Variants in RFC2 observed in about 807,000 individuals in gnomAD.
RFC2 encodes the protein A1 40 kDa subunit.
Under a neutral mutation model 44.8 loss-of-function variants are expected in RFC2, and 34 were observed. The observed-to-expected ratio is 0.76, with a 90% CI of 0.58 to 1.01. The LOEUF (loss-of-function observed/expected upper bound fraction) is 1.01, where lower values mean the gene tolerates loss of function less well. Among genes scored for constraint, RFC2 ranks in the 50% least tolerant of loss-of-function variants. The probability of loss-of-function intolerance (pLI) is 0.00; values close to 1 mark genes in which losing one functional copy is unlikely to be tolerated. For missense variants in RFC2, 400 were observed against 453.6 expected (o/e 0.88, Z 1.07); for synonymous variants, 177 against 168.9 (o/e 1.05, Z -0.37).
In RFC2 at chr7:74,238,420, T is replaced by C. The variant is rs1803142577; in HGVS notation, c.759+503A>G. Among the ~76,000 whole-genome samples the C allele has an allele frequency of 6.6e-6, 1 of 152,016 alleles. No individual in the cohort carries two copies. The highest frequency in any genetic ancestry group is 1.5e-5 in the Non-Finnish European group (1 of 67,980). On this transcript the variant is annotated intron_variant, in intron 8 of 10. Transcript: ENST00000055077. This position sits in a 1 kb window ranked among gnomAD's most constrained non-coding sequence, Gnocchi z 4.0. ...GACATGGGAGAGTAAGTGAGAAACC[T>C]TTTCCTCAGCCTGGCTTTGAGGGTT...
At chr7:74,243,888 C>G (rs1303216532) in intron 5 of RFC2, among the ~76,000 whole-genome samples, 1 of 151,016 alleles carries the variant, frequency 6.6e-6, no homozygotes, top group East Asian at 2.0e-4. Context: ...AACCAGGATA[C>G]AAAAATTATA....
chr7:74,243,762 C>A (rs1803457606), intron 5 of RFC2, among the ~76,000 whole-genome samples: 1 of 150,106 alleles, frequency 6.7e-6, no homozygotes, highest in Non-Finnish European at 1.5e-5. Flanking sequence ...GAGTTCGAGA[C>A]CAGCCTGGGC....
At chr7:74,253,846 G>A (rs1427177080) in intron 1 of RFC2, 3 of 169,676 alleles carry the variant, frequency 1.8e-5, no homozygotes, top group Non-Finnish European at 3.9e-5. Context: ...CAAAACCCCC[G>A]TCTTGATTTT....
chr7:74,245,605 C>G (rs782693634), intron 5 of RFC2, among the ~76,000 whole-genome samples: 1 of 149,726 alleles, frequency 6.7e-6, no homozygotes, highest in South Asian at 2.1e-4. Flanking sequence ...CCCAGCTACT[C>G]GAGAGGCTGA....
intron 1 of RFC2, 149 bp downstream of exon 1, chr7:74,254,122 T>C: frequency 3.0e-6 from 2 of 673,526 alleles, no homozygotes; most frequent in Non-Finnish European, 5.4e-6. Flanking sequence ...GTCGCCTTCT[T>C]GAAATCATCT....
rs552015440 is a variant in RFC2, at chr7:74,249,800, T to G, written c.184-20A>C. 7.6e-5 allele frequency: 122 copies of G among 1,603,654 alleles called. 1 individual carries two copies. In the South Asian group the frequency reaches 1.3e-3, roughly 17 times the overall value. On this transcript the variant is annotated intron_variant, in intron 2 of 10. Transcript: ENST00000055077. Reference sequence around the variant, plus strand: ...AAAGACCTACGGCGAAAATGATCATTAAAACCGGTTAAAACTTGCTTCTGG... The same window carrying G: ...AAAGACCTACGGCGAAAATGATCATGAAAACCGGTTAAAACTTGCTTCTGG...
At position 74,231,711 on chromosome 7, in the gene RFC2, A is replaced by T. The variant is rs1134235; in HGVS notation, c.*395T>A. On this transcript the variant is annotated 3_prime_UTR_variant, in exon 11 of 11. Coordinates refer to ENST00000055077, the MANE Select transcript of RFC2 (RefSeq NM_181471.3). ...ATTTAATTTTTTTCCCCAGATGGAGACTCTGTCGCCCAGGCTGGAGTGCAA... is the reference window on the plus strand; with the variant it reads ...ATTTAATTTTTTTCCCCAGATGGAGTCTCTGTCGCCCAGGCTGGAGTGCAA... 10,802 of 154,936 alleles carry T rather than the reference A, an allele frequency of 0.07. 1,240 individuals are homozygous for T. The highest frequency in any genetic ancestry group is 0.24 in the African/African-American group (9,966 of 41,366). 9.6% of individuals were successfully genotyped at this position (154,936 alleles called of 1,614,324 possible). A position where few individuals can be genotyped will look rare whatever the true frequency, so the allele number is the denominator to read the frequency against.
intron 2 of RFC2, among the ~76,000 whole-genome samples, chr7:74,251,785 G>A (rs1335607335): frequency 4.3e-4 from 56 of 130,612 alleles, no homozygotes; most frequent in East Asian, 3.6e-3. Context: ...GCGACAGAGC[G>A]AGACTCCATC....
Position 74,237,406 on chromosome 7 carries a change from T to C in RFC2, c.796A>G (p.Met266Val), listed in dbSNP as rs146452780. 1.4e-5 allele frequency: 22 copies of C among 1,603,668 alleles called. No individual in the cohort carries two copies. Among genetic ancestry groups the C allele is most frequent in the Non-Finnish European group, 1.8e-5 (21 of 1,175,278 alleles). ...DEPHPLLVKE[M>V]IQHCVNANID... The stretch of plus-strand genomic sequence containing the variant: ...TTGGCATTCACACAGTGCTGGATCA[T>C]CTCCTTTACCAGCAGTGGGTGGGGC... The change falls in exon 9 of 11, where the codon ATG becomes GTG. Residue 266 changes from methionine (M) to valine (V), a missense_variant. Physicochemically the swap from Met to Val is conservative, Grantham distance 21 (BLOSUM62 1). Transcript: ENST00000055077.
intron 3 of RFC2, chr7:74,249,369 C>G (rs574182983): frequency 1.8e-6 from 1 of 557,068 alleles, no homozygotes; most frequent in Non-Finnish European, 3.1e-6. Flanking sequence ...GGCGAAACCC[C>G]GTCTCTACTA....
At chr7:74,246,545 G>T in intron 5 of RFC2, 117 bp downstream of exon 5, 1 of 604,892 alleles carries the variant, frequency 1.7e-6, no homozygotes, top group Non-Finnish European at 2.9e-6. Context: ...CTATTAAATT[G>T]CTTGTGGAAG....
chr7:74,253,951 T>G (rs376625367), intron 1 of RFC2, among the ~76,000 whole-genome samples: 1 of 152,192 alleles, frequency 6.6e-6, no homozygotes, highest in South Asian at 2.1e-4. Context: ...GATTGAAGTT[T>G]TTGAAAACAC....
At chr7:74,250,415 C>T (rs1350962016) in intron 2 of RFC2, among the ~76,000 whole-genome samples, 12 of 151,818 alleles carry the variant, frequency 7.9e-5, no homozygotes, top group African/African-American at 2.9e-4. Context: ...TTTGGCCTCC[C>T]GAGTAGCTGG....
chr7:74,238,926 G>C lies in RFC2; in HGVS notation c.756C>G (p.Phe252Leu). The C allele has an allele frequency of 1.2e-6, 2 of 1,613,284 alleles. No homozygotes were observed. Among genetic ancestry groups the C allele is most frequent in the Non-Finnish European group, 1.7e-6 (2 of 1,179,248 alleles). ...GFGFINSENV[F>L]KVCDEPHPLL... ...CCACCCACACTAGCGCTTGTACCTTGAACACGTTCTCACTGTTAATGAAGC... is the reference window on the plus strand; with the variant it reads ...CCACCCACACTAGCGCTTGTACCTTCAACACGTTCTCACTGTTAATGAAGC... Residue 252 changes from phenylalanine (F) to leucine (L), a missense_variant, in exon 8 of 11, where the codon TTC becomes TTG. Physicochemically the swap from Phe to Leu is conservative, Grantham distance 22 (BLOSUM62 0). Coordinates refer to ENST00000055077, the MANE Select transcript of RFC2 (RefSeq NM_181471.3). The surrounding 1 kb of genome is among the most constrained non-coding windows in gnomAD (Gnocchi z 4.0).
At chr7:74,253,897 G>C (rs1281776033) in intron 1 of RFC2, among the ~76,000 whole-genome samples, 3 of 152,086 alleles carry the variant, frequency 2.0e-5, no homozygotes, top group Non-Finnish European at 4.4e-5. Context: ...GAACCTAACA[G>C]TCAAAATATT....
rs2116363161 is a variant in RFC2, at chr7:74,254,332, A to G, written c.52T>C (p.Ser18Pro). The change falls in exon 1 of 11, where the codon TCT becomes CCT. Residue 18 changes from serine (S) to proline (P), a missense_variant. Transcript: ENST00000055077. ...TTGCTGAAGGCAGGGGCAGGGTCAGAGTCCTGGGCCTCCACCTCGCCCGCG... is the reference window on the plus strand; with the variant it reads ...TTGCTGAAGGCAGGGGCAGGGTCAGGGTCCTGGGCCTCCACCTCGCCCGCG... Reference protein sequence around the residue: ...GGAGEVEAQDSDPAPAFSKAP... With the variant: ...GGAGEVEAQDPDPAPAFSKAP... 1 of 1,611,936 alleles carries G rather than the reference A, an allele frequency of 6.2e-7. No homozygotes were observed. Among genetic ancestry groups the G allele is most frequent in the Non-Finnish European group, 8.5e-7 (1 of 1,179,404 alleles).
chr7:74,247,863 GC>G (rs1169677329), intron 4 of RFC2, among the ~76,000 whole-genome samples: 1 of 152,152 alleles, frequency 6.6e-6, no homozygotes, highest in Non-Finnish European at 1.5e-5. Flanking sequence ...CTGGTGCTAG[GC>G]CCTTCCTCAG....
chr7:74,254,029 G>A (rs1241803940), intron 1 of RFC2, among the ~76,000 whole-genome samples: 1 of 152,112 alleles, frequency 6.6e-6, no homozygotes, highest in African/African-American at 2.4e-5. Flanking sequence ...GTGGCCACCC[G>A]GGGTAGCCCT....
rs564011433 is a variant in RFC2 at position 74,242,283 on chromosome 7, A to C, written c.535+863T>G. On this transcript the variant is annotated intron_variant, in intron 6 of 10. Transcript: ENST00000055077. Reference sequence around the variant, plus strand: ...ACATCCTTGTGCCTCCAAGAGTGCAAGAGGGTGATAGAACTGGGGCTCCAA... The same window carrying C: ...ACATCCTTGTGCCTCCAAGAGTGCACGAGGGTGATAGAACTGGGGCTCCAA... Among the ~76,000 whole-genome samples, 159 of 152,292 alleles carry C rather than the reference A, an allele frequency of 1.0e-3. No individual in the cohort carries two copies. The Middle Eastern group carries it at 0.02, about 20-fold the overall frequency.
Sources: allele counts gnomAD v4.1 joint callset (sites outside exome capture counted in the v4.1 genomes callset), GRCh38; gene constraint gnomAD v4.1.1; non-coding constraint Gnocchi (gnomAD v3.1); transcripts MANE v1.5; gene names NCBI Gene and HGNC (gene_info 2026-07-23, HGNC 2026-07-21).